NEK4: variants seen among roughly 807,000 people sequenced by gnomAD.
The protein encoded by NEK4 is NIMA related kinase 4, also known as serine/threonine-protein kinase Nek4.
In NEK4, 86 loss-of-function variants were observed where a neutral mutation model predicts 98.4. The observed-to-expected ratio is 0.87, with a 90% confidence interval of 0.73 to 1.05. The LOEUF (loss-of-function observed/expected upper bound fraction) is 1.05, where lower values mean the gene tolerates loss of function less well. NEK4 is among the 50% of genes least tolerant of loss of function. NEK4 has a pLI of 0.00. For missense variants in NEK4, 898 were observed against 950.3 expected, an observed-to-expected ratio of 0.94 and a Z score of 0.72; for synonymous variants, 328 against 342.2, an observed-to-expected ratio of 0.96 and a Z score of 0.46.
intron 13 of NEK4, among the ~76,000 whole-genome samples, chr3:52,739,936 T>C (rs2097383022): frequency 6.6e-6 from 1 of 152,190 alleles, no homozygotes; most frequent in Admixed American, 6.5e-5. Flanking sequence ...CACAATCTTG[T>C]GGGCCTACAG....
chr3:52,741,968 C>T (rs2097387091), intron 12 of NEK4, among the ~76,000 whole-genome samples: 1 of 151,908 alleles, frequency 6.6e-6, no homozygotes, highest in Non-Finnish European at 1.5e-5. Context: ...TTAGTAGAGA[C>T]AGGGTTTCAC....
chr3:52,743,412 G>A lies in NEK4; in HGVS notation c.1944C>T (p.Pro648=), dbSNP rs997768800. 1.2e-6 allele frequency: 2 copies of A among 1,613,982 alleles called. No individual in the cohort carries two copies. The highest frequency in any genetic ancestry group is 1.7e-6 in the Non-Finnish European group (2 of 1,180,034). ...CAGGCAAGGGCTGGTCTTCTTCCTG[G>A]GGTTTTCCTGGCCCTGCTACACTCA... ...ASLSVAGPGK[P]QEEDQPLPAR... Residue 648 remains proline, a synonymous_variant, in exon 12 of 16, where the codon CCC becomes CCT. Coordinates refer to ENST00000233027, the MANE Select transcript of NEK4 (RefSeq NM_003157.6).
rs764590175 is a variant in NEK4, at chr3:52,743,400, G to A, written c.1956C>T (p.Asp652=). ...VAGPGKPQEE[D]QPLPARRLSS... is the part of the protein sequence containing the mutation. ...AGAGCCGTCGGGCAGGCAAGGGCTG[G>A]TCTTCTTCCTGGGGTTTTCCTGGCC... Residue 652 remains aspartate (D), a synonymous_variant, in exon 12 of 16, where the codon GAC becomes GAT. Transcript: ENST00000233027. 4 of 1,614,040 alleles carry A rather than the reference G, an allele frequency of 2.5e-6. No homozygotes were observed. In the African/African-American group the frequency reaches 4.0e-5, roughly 16 times the overall value.
At chr3:52,758,843 T>C (rs1444381536) in intron 6 of NEK4, among the ~76,000 whole-genome samples, 1 of 152,000 alleles carries the variant, frequency 6.6e-6, no homozygotes, top group Non-Finnish European at 1.5e-5. Flanking sequence ...GGCTCATACC[T>C]GTAATATCAG....
Position 52,743,480 on chromosome 3 carries a change from C to A in NEK4, c.1895-19G>T, listed in dbSNP as rs1253270171. 2 of 1,591,724 alleles carry A rather than the reference C, an allele frequency of 1.3e-6. No individual in the cohort carries two copies. Among genetic ancestry groups the A allele is most frequent in the Non-Finnish European group, 1.7e-6 (2 of 1,159,800 alleles). ...GAAGGGCCTGAAAAGGCAAACATCC[C>A]CAGTAGTTGTTTGTGGTGGGCTGCC... On this transcript the variant is annotated intron_variant, in intron 11 of 15. Transcript: ENST00000233027.
chr3:52,712,329 C>T (rs537087819), intron 15 of NEK4, among the ~76,000 whole-genome samples: 49 of 152,302 alleles, frequency 3.2e-4, no homozygotes, highest in East Asian at 9.6e-4. Context: ...GGGTGTGGCT[C>T]GCTTCTTCAG....
At chr3:52,758,345 G>T (rs1698215363) in intron 6 of NEK4, among the ~76,000 whole-genome samples, 1 of 152,030 alleles carries the variant, frequency 6.6e-6, no homozygotes, top group Non-Finnish European at 1.5e-5. Flanking sequence ...TAACATTATA[G>T]ATGTATTTAA....
chr3:52,739,255 C>T (rs745602613), intron 14 of NEK4, among the ~76,000 whole-genome samples, 174 bp downstream of exon 14: 5 of 152,070 alleles, frequency 3.3e-5, no homozygotes, highest in Non-Finnish European at 5.9e-5. Flanking sequence ...AAAAATTACC[C>T]GGGCATGGTG....
At chr3:52,745,974 C>A in intron 10 of NEK4, 87 bp downstream of exon 10, 1 of 1,221,774 alleles carries the variant, frequency 8.2e-7, no homozygotes, top group Non-Finnish European at 1.2e-6. Flanking sequence ...CCTCTTGCTT[C>A]AGCCTCCCAA....
intron 11 of NEK4, 52 bp downstream of exon 11, chr3:52,744,187 A>C (rs749289737): frequency 8.9e-6 from 12 of 1,347,358 alleles, no homozygotes; most frequent in Non-Finnish European, 1.2e-5. Flanking sequence ...GTTTCTGTCC[A>C]CGAACCATAC....
chr3:52,769,739 T>TTAA (rs1180506818), intron 1 of NEK4, among the ~76,000 whole-genome samples: 1 of 152,244 alleles, frequency 6.6e-6, no homozygotes, highest in Admixed American at 6.5e-5. Context: ...GGTGTAACTA[T>TTAA]TAATAATGCC....
chr3:52,753,752 T>C lies in NEK4; in HGVS notation c.964-1416A>G, dbSNP rs185489056. On this transcript the variant is annotated intron_variant, in intron 6 of 15. Transcript: ENST00000233027. ...CTACAGACTCGTCCACCTGAAATAC[T>C]CTCTTCTTGCTGAATTTACCTTGGT... The C allele has an allele frequency of 3.9e-3, 2,161 of 554,272 alleles. 11 individuals carry two copies. The highest frequency in any genetic ancestry group is 5.4e-3 in the Non-Finnish European group (1,494 of 274,288). 34.3% of individuals were successfully genotyped at this position (554,272 alleles called of 1,614,324 possible).
At chr3:52,758,668 T>A (rs1424538426) in intron 6 of NEK4, among the ~76,000 whole-genome samples, 1 of 151,722 alleles carries the variant, frequency 6.6e-6, no homozygotes, top group African/African-American at 2.4e-5. Context: ...AAAAAAAATT[T>A]TAACTAAAAA....
chr3:52,739,759 T>A, intron 13 of NEK4, 125 bp from the exon 14 acceptor site: 1 of 725,460 alleles, frequency 1.4e-6, no homozygotes, highest in Non-Finnish European at 2.3e-6. Context: ...TCCTACAGAC[T>A]GACCTGACCC....
intron 15 of NEK4, among the ~76,000 whole-genome samples, chr3:52,724,263 A>ACACACACACACACACACACACAC (rs1553914988): frequency 2.0e-5 from 3 of 151,418 alleles, no homozygotes; most frequent in African/African-American, 4.8e-5. Context: ...ACACACACAC[A>ACACACACACACACACACACACAC]AAACTGTCAA....
chr3:52,726,746 A>C (rs2097364941), intron 15 of NEK4, among the ~76,000 whole-genome samples: 1 of 151,930 alleles, frequency 6.6e-6, no homozygotes, highest in Non-Finnish European at 1.5e-5. Flanking sequence ...TCTCTACTAA[A>C]AATACAAAAA....
intron 11 of NEK4, 63 bp from the exon 12 acceptor site, chr3:52,743,524 G>T: frequency 7.9e-7 from 1 of 1,270,830 alleles, no homozygotes; most frequent in Non-Finnish European, 1.1e-6. Flanking sequence ...AAAGGGCTTT[G>T]TATTTGGTAT....
At chr3:52,748,012 T>C (rs548698571) in intron 8 of NEK4, among the ~76,000 whole-genome samples, 81 of 151,974 alleles carry the variant, frequency 5.3e-4, no homozygotes, top group Admixed American at 1.4e-3. Context: ...CAGGCTGGAG[T>C]GCAATGGCGC....
intron 15 of NEK4, chr3:52,733,069 A>C (rs908247087): frequency 1.1e-5 from 2 of 186,302 alleles, no homozygotes; most frequent in African/African-American, 4.7e-5. Context: ...ATTTCCCATC[A>C]CTCCCACAAG....
Sources: allele counts gnomAD v4.1 joint callset (sites outside exome capture counted in the v4.1 genomes callset), GRCh38; gene constraint gnomAD v4.1.1; transcripts MANE v1.5; gene names NCBI Gene and HGNC (gene_info 2026-07-23, HGNC 2026-07-21).